The following RAD54L variants were observed in gnomAD, a reference collection of about 807,000 sequenced individuals.
The protein encoded by RAD54L is DNA repair and recombination protein RAD54-like.
Under a neutral mutation model 91.6 loss-of-function variants are expected in RAD54L, and 74 were observed. The observed-to-expected ratio is 0.81, with a 90% CI of 0.67 to 0.98. The LOEUF (loss-of-function observed/expected upper bound fraction) is 0.98. Ranked by LOEUF, RAD54L falls within the 50% of genes least tolerant of loss-of-function variation. The probability of loss-of-function intolerance (pLI) is 0.00; values close to 1 mark genes in which losing one functional copy is unlikely to be tolerated. For missense variants in RAD54L, 887 were observed against 945.7 expected (o/e 0.94, Z 0.81); for synonymous variants, 304 against 349.7 (o/e 0.87, Z 1.46).
At chr1:46,254,616 T>G (rs1659891325) in intron 3 of RAD54L, among the ~76,000 whole-genome samples, 1 of 140,036 alleles carries the variant, frequency 7.1e-6, no homozygotes, top group Non-Finnish European at 1.5e-5. Flanking sequence ...TGAGACAGGG[T>G]CTTGCTGTGT....
At chr1:46,277,702 A>G in intron 16 of RAD54L, 115 bp from the exon 17 acceptor site, 1 of 1,213,622 alleles carries the variant, frequency 8.2e-7, no homozygotes, top group Non-Finnish European at 1.2e-6. Flanking sequence ...CATACTTTTT[A>G]TTCATCTCCT....
chr1:46,267,586 A>G lies in RAD54L; in HGVS notation c.1019A>G (p.His340Arg), dbSNP rs374967930. 24 of 1,612,708 alleles carry G rather than the reference A, an allele frequency of 1.5e-5. No individual in the cohort carries two copies. The African/African-American group carries it at 2.5e-4, about 17-fold the overall frequency. ...NDLLEYFSLV[H>R]FVNSGILGTA... ...CTGCTTGAGTATTTCAGCTTGGTAC[A>G]TTTTGTTAATTCCGGCATCCTAGGT... Residue 340 changes from histidine to arginine, a missense_variant, in exon 9 of 18, where the codon CAT (histidine) becomes CGT (arginine). Physicochemically the swap from His to Arg is conservative, Grantham distance 29 (BLOSUM62 0). Transcript: ENST00000371975.
In RAD54L at chr1:46,260,980, A is replaced by T; in HGVS notation, c.731A>T (p.Asp244Val). 2 of 1,614,080 alleles carry T rather than the reference A, an allele frequency of 1.2e-6. No homozygotes were observed. ...GGGAGGATCCAACCTCTGGCCATCG[A>T]TGGAGGATCTAAGGATGAAATAGAC... is the stretch of plus-strand genomic sequence containing the variant. ...LGGRIQPLAI[D>V]GGSKDEIDQK... The change falls in exon 7 of 18, where the codon GAT becomes GTT. Residue 244 changes from aspartate to valine, a missense_variant. Physicochemically the swap from Asp to Val is radical, Grantham distance 152 (BLOSUM62 -3). Coordinates refer to ENST00000371975, the MANE Select transcript of RAD54L (RefSeq NM_003579.4).
At chr1:46,270,871 C>G (rs1215879881) in intron 10 of RAD54L, 86 bp downstream of exon 10, 2 of 1,573,650 alleles carry the variant, frequency 1.3e-6, no homozygotes, top group African/African-American at 2.7e-5. Flanking sequence ...CTAGAGCCCT[C>G]AAAGGCTGGG....
intron 13 of RAD54L, 51 bp downstream of exon 13, chr1:46,273,516 A>G (rs961121105): frequency 1.2e-6 from 2 of 1,602,110 alleles, no homozygotes; most frequent in African/African-American, 1.3e-5. Flanking sequence ...AGGGTGGGAG[A>G]TTTTTTTTTG....
At chr1:46,274,756 T>C (rs1285535624) in intron 16 of RAD54L, 39 bp downstream of exon 16, 12 of 1,611,488 alleles carry the variant, frequency 7.4e-6, no homozygotes, top group East Asian at 2.2e-5. Flanking sequence ...GGGTGGGTCA[T>C]GGAACGAGAT....
At chr1:46,257,143 C>CAAAAA (rs576146179) in intron 3 of RAD54L, among the ~76,000 whole-genome samples, 2 of 54,404 alleles carry the variant, frequency 3.7e-5, no homozygotes, top group African/African-American at 6.0e-5. Flanking sequence ...GACTCCATCT[C>CAAAAA]AAAAAAAAAA....
At chr1:46,251,565 C>A (rs1433021392) in intron 3 of RAD54L, among the ~76,000 whole-genome samples, 10 of 149,138 alleles carry the variant, frequency 6.7e-5, no homozygotes, top group Admixed American at 6.7e-4. Flanking sequence ...GAGACCACCT[C>A]AAAAAAAAAA....
intron 3 of RAD54L, among the ~76,000 whole-genome samples, chr1:46,252,120 A>T (rs972297740): frequency 6.6e-6 from 1 of 152,282 alleles, no homozygotes. Flanking sequence ...AGACAGGTGA[A>T]GGGAGTGGAA....
rs971340832 is a variant in RAD54L at position 46,270,990 on chromosome 1, G to T, written c.1169+205G>T. Among the ~76,000 whole-genome samples the T allele has an allele frequency of 2.0e-5, 3 of 152,194 alleles. No individual in the cohort carries two copies. In the East Asian group the frequency reaches 5.8e-4, roughly 29 times the overall value. On this transcript the variant is annotated intron_variant, in intron 10 of 17. Transcript: ENST00000371975. ...TTTCTGGCTTGGGCTCTGTGGTCTG[G>T]TTTTGGTCTGTTTATCAGCCTGCTG...
At chr1:46,259,445 G>A (rs1241783590) in intron 4 of RAD54L, among the ~76,000 whole-genome samples, 3 of 152,136 alleles carry the variant, frequency 2.0e-5, no homozygotes, top group African/African-American at 7.2e-5. Context: ...TTGAATGGGA[G>A]AAATAAAACG....
At chr1:46,248,888 A>G (rs2148274860) in intron 2 of RAD54L, among the ~76,000 whole-genome samples, 1 of 152,304 alleles carries the variant, frequency 6.6e-6, no homozygotes, top group African/African-American at 2.4e-5. Flanking sequence ...AGGGCTACAC[A>G]ACAGCAATTA....
chr1:46,264,080 G>A (rs1329459724), intron 8 of RAD54L, among the ~76,000 whole-genome samples: 4 of 152,168 alleles, frequency 2.6e-5, no homozygotes, highest in African/African-American at 4.8e-5. Flanking sequence ...ACAGGTTTGA[G>A]CCACCGTGCC....
intron 11 of RAD54L, 56 bp downstream of exon 11, chr1:46,272,596 G>C: frequency 6.2e-7 from 1 of 1,611,500 alleles, no homozygotes; most frequent in Non-Finnish European, 8.5e-7. Context: ...CCTGAAGCAT[G>C]GCTGGGCTCT....
At position 46,260,903 on chromosome 1, in the gene RAD54L, G is replaced by A. The variant is rs140841471; in HGVS notation, c.654G>A (p.Ser218=). 26 of 1,614,196 alleles carry A rather than the reference G, an allele frequency of 1.6e-5. No homozygotes were observed. The highest frequency in any genetic ancestry group is 1.2e-4 in the Admixed American group (7 of 60,016). The change falls in exon 7 of 18, where the codon TCG becomes TCA. Residue 218 remains serine, a synonymous_variant. Coordinates refer to ENST00000371975, the MANE Select transcript of RAD54L (RefSeq NM_003579.4). ...AAATTGACAAGGCAGTGGTGGTGTC[G>A]CCTTCCAGCCTGGTGAAGAACTGGT... ...KPEIDKAVVV[S]PSSLVKNWYN...
chr1:46,262,331 C>T (rs1359198354), intron 8 of RAD54L, among the ~76,000 whole-genome samples: 1 of 151,936 alleles, frequency 6.6e-6, no homozygotes, highest in Admixed American at 6.6e-5. Context: ...CTCTTGAACC[C>T]GGGAGGTGGA....
intron 3 of RAD54L, among the ~76,000 whole-genome samples, chr1:46,253,032 A>C (rs1659842987): frequency 6.6e-6 from 1 of 152,224 alleles, no homozygotes; most frequent in African/African-American, 2.4e-5. Context: ...TGATACTGTC[A>C]GTGCACTCCA....
At chr1:46,258,065 A>C in intron 3 of RAD54L, among the ~76,000 whole-genome samples, 1 of 151,982 alleles carries the variant, frequency 6.6e-6, no homozygotes, top group East Asian at 1.9e-4. Context: ...TAAAATAGAG[A>C]TGGGGTCTTG....
Position 46,278,386 on chromosome 1 carries a change from C to A in RAD54L, c.*104C>A. 1 of 1,294,904 alleles carries A rather than the reference C, an allele frequency of 7.7e-7. No homozygotes were observed. The highest frequency in any genetic ancestry group is 1.1e-6 in the Non-Finnish European group (1 of 917,414). 80.2% of individuals were successfully genotyped at this position (1,294,904 alleles called of 1,614,324 possible). On this transcript the variant is annotated 3_prime_UTR_variant, in exon 18 of 18. Coordinates refer to ENST00000371975, the MANE Select transcript of RAD54L (RefSeq NM_003579.4). ...ATTTTGTTCTCTGGGAGAAAATCAT[C>A]AAGAAGGGCTGCATGATGTTTGCCC... is the stretch of plus-strand genomic sequence containing the variant.
Sources: gnomAD v4.1 joint callset for allele counts (sites outside exome capture counted in the v4.1 genomes callset) on GRCh38, gnomAD v4.1.1 for gene constraint, MANE v1.5 for transcripts, NCBI Gene and HGNC (gene_info 2026-07-23, HGNC 2026-07-21) for gene names.